The following AVEN variants were observed in gnomAD, a reference collection of about 807,000 sequenced individuals.
AVEN encodes cell death regulator Aven.
In AVEN, 41 loss-of-function variants were observed where a neutral mutation model predicts 38.1. That is an observed-to-expected ratio of 1.08 (90% CI 0.84 to 1.40). The LOEUF is 1.40. AVEN is among the 40% of genes most tolerant of loss of function. The pLI, the probability that AVEN is intolerant of heterozygous loss-of-function variation, is 0.00. For synonymous variants in AVEN, 206 were observed against 171.8 expected (o/e 1.20, Z -1.56); for missense variants, 605 against 438.8 (o/e 1.38, Z -3.38).
At chr15:33,854,931 C>T (rs768516250), downstream of AVEN, 2 of 1,601,396 alleles carry the variant, frequency 1.2e-6, no homozygotes, top group South Asian at 2.3e-5. Flanking sequence ...TCTACTGATG[C>T]AGAACAGAAT....
intron 2 of AVEN, among the ~76,000 whole-genome samples, chr15:33,878,606 AAG>A (rs1567392124): frequency 6.6e-6 from 1 of 152,220 alleles, no homozygotes; most frequent in Non-Finnish European, 1.5e-5. Context: ...AATACATAAA[AAG>A]AAAATTTTTT....
chr15:33,864,909 A>AGGG (rs1249716990), downstream of AVEN: 2 of 502,480 alleles, frequency 4.0e-6, no homozygotes, highest in Non-Finnish European at 3.5e-6. Flanking sequence ...TTTGGGGCAG[A>AGGG]GGGGGATTTT....
At chr15:34,030,620 G>A (rs746588481) in intron 1 of AVEN, among the ~76,000 whole-genome samples, 5 of 150,488 alleles carry the variant, frequency 3.3e-5, no homozygotes, top group African/African-American at 7.3e-5. Context: ...GAGCCACCAC[G>A]CCCAGCCTGG....
intron 2 of AVEN, 146 bp from the exon 3 acceptor site, chr15:33,876,141 A>G (rs1209583481): frequency 3.1e-6 from 2 of 652,254 alleles, no homozygotes; most frequent in African/African-American, 3.7e-5. Context: ...CATACCTCCA[A>G]CTCCATTTCC....
intron 2 of AVEN, chr15:33,885,579 C>A (rs1338179441): frequency 6.6e-6 from 1 of 152,172 alleles, no homozygotes; most frequent in Non-Finnish European, 1.5e-5. Flanking sequence ...TAATAAAAAT[C>A]TCTCCTCCTG....
chr15:34,018,736 A>G (rs1204815743), intron 1 of AVEN, among the ~76,000 whole-genome samples: 3 of 152,248 alleles, frequency 2.0e-5, no homozygotes. Flanking sequence ...GGCCCTGCCC[A>G]CGTCCTACTG....
At chr15:33,857,151 C>A (rs1197773809), downstream of AVEN, among the ~76,000 whole-genome samples, 1 of 152,108 alleles carries the variant, frequency 6.6e-6, no homozygotes, top group Non-Finnish European at 1.5e-5. Flanking sequence ...CTTGGGCTGC[C>A]AGAACGAAGT....
intron 2 of AVEN, among the ~76,000 whole-genome samples, chr15:33,982,604 C>T (rs1201150218): frequency 6.6e-6 from 1 of 152,036 alleles, no homozygotes; most frequent in Non-Finnish European, 1.5e-5. Flanking sequence ...TTTTTAAATG[C>T]TATAAATGTT....
At chr15:33,993,741 C>T (rs548252417) in intron 2 of AVEN, among the ~76,000 whole-genome samples, 2 of 152,312 alleles carry the variant, frequency 1.3e-5, no homozygotes, top group South Asian at 2.1e-4. Context: ...ATCATTACAC[C>T]TCATCTCCCC....
At chr15:33,949,924 C>A (rs1219996403) in intron 2 of AVEN, among the ~76,000 whole-genome samples, 1 of 152,104 alleles carries the variant, frequency 6.6e-6, no homozygotes, top group Non-Finnish European at 1.5e-5. Flanking sequence ...ATGTTCACTG[C>A]AGCACTATTC....
intron 2 of AVEN, among the ~76,000 whole-genome samples, chr15:33,910,968 A>G (rs1000924574): frequency 1.3e-5 from 2 of 152,224 alleles, no homozygotes; most frequent in Non-Finnish European, 2.9e-5. Context: ...GCTTTGGAAG[A>G]AAAACAGTTT....
intron 5 of AVEN, among the ~76,000 whole-genome samples, chr15:34,051,248 T>A (rs1338786784): frequency 6.6e-6 from 1 of 152,158 alleles, no homozygotes; most frequent in Non-Finnish European, 1.5e-5. Flanking sequence ...GAATGACTCC[T>A]GGGCAAATAA....
At chr15:33,951,553 A>C (rs1894750870) in intron 2 of AVEN, among the ~76,000 whole-genome samples, 1 of 150,058 alleles carries the variant, frequency 6.7e-6, no homozygotes, top group South Asian at 2.1e-4. Flanking sequence ...CTAGAACTTA[A>C]AGTATAATAA....
intron 2 of AVEN, among the ~76,000 whole-genome samples, chr15:33,961,990 G>A (rs1895208522): frequency 6.6e-6 from 1 of 152,066 alleles, no homozygotes; most frequent in Non-Finnish European, 1.5e-5. Context: ...TTGGGGGGCA[G>A]AGCACAGCAT....
intron 5 of AVEN, chr15:34,062,566 A>AAG (rs1249572628): frequency 1.5e-6 from 1 of 680,974 alleles, no homozygotes; most frequent in East Asian, 2.9e-5. Context: ...AAAAAAAAAA[A>AAG]AAAAAAAACT....
chr15:33,875,787 CTGA>C, intron 3 of AVEN, 135 bp downstream of exon 3: 2 of 766,872 alleles, frequency 2.6e-6, no homozygotes, highest in South Asian at 4.9e-5. Context: ...TGAAAATTTT[CTGA>C]AAAGTTTAGC....
At chr15:33,959,287 T>A (rs906008851) in intron 2 of AVEN, among the ~76,000 whole-genome samples, 33 of 152,192 alleles carry the variant, frequency 2.2e-4, no homozygotes, top group African/African-American at 7.7e-4. Context: ...CATACTTTTT[T>A]AAATACGAAT....
chr15:33,963,803 A>G (rs1022466120), intron 2 of AVEN, among the ~76,000 whole-genome samples: 1 of 149,976 alleles, frequency 6.7e-6, no homozygotes, highest in African/African-American at 2.5e-5. Flanking sequence ...TCTCAAAAAA[A>G]AAAAAAAAAA....
chr15:34,041,766 A>G (rs1899484517), upstream of AVEN, among the ~76,000 whole-genome samples: 1 of 152,222 alleles, frequency 6.6e-6, no homozygotes, highest in Non-Finnish European at 1.5e-5. Flanking sequence ...AAACACTATT[A>G]TTATTCCTAT....
Sources: allele counts gnomAD v4.1 joint callset (sites outside exome capture counted in the v4.1 genomes callset), GRCh38; gene constraint gnomAD v4.1.1; transcripts MANE v1.5; gene names NCBI Gene and HGNC (gene_info 2026-07-23, HGNC 2026-07-21).